The following RNF111 variants were observed in gnomAD, a reference collection of about 807,000 sequenced individuals.
RNF111 encodes E3 ubiquitin-protein ligase Arkadia.
A neutral mutation model predicts 95.1 loss-of-function variants in RNF111; 17 were observed. The ratio of observed to expected loss-of-function variants is 0.18; its 90% CI spans 0.12 to 0.27. RNF111 has a LOEUF of 0.27. RNF111 is among the 10% of genes least tolerant of loss of function. The pLI, the probability that RNF111 is intolerant of heterozygous loss-of-function variation, is 1.00. For missense variants in RNF111, 1,189 were observed against 1,210.4 expected (o/e 0.98, Z 0.26); for synonymous variants, 440 against 414.8 (o/e 1.06, Z -0.74).
Position 59,048,671 on chromosome 15 carries a change from T to G in RNF111, c.881-3634T>G, listed in dbSNP as rs2041826472. Among the ~76,000 whole-genome samples the G allele has an allele frequency of 2.0e-5, 3 of 152,192 alleles. No homozygotes were observed. The South Asian group carries it at 6.2e-4, about 31-fold the overall frequency. On this transcript the variant is annotated intron_variant, in intron 2 of 13. Transcript: ENST00000348370. ...GGGTGACATTTGTATTGACAGGTGA[T>G]AGTAATGAAGAAGCCATTCAACAAC... is the stretch of plus-strand genomic sequence containing the variant.
At chr15:59,016,097 A>G (rs544713820) in intron 1 of RNF111, among the ~76,000 whole-genome samples, 42 of 151,770 alleles carry the variant, frequency 2.8e-4, no homozygotes, top group African/African-American at 8.2e-4. Context: ...TTGGCCTCCA[A>G]GAGTGCTAGG....
chr15:59,068,673 A>G (rs2042774896), intron 6 of RNF111, among the ~76,000 whole-genome samples: 1 of 152,036 alleles, frequency 6.6e-6, no homozygotes, highest in African/African-American at 2.4e-5. Context: ...GCATTAAGCC[A>G]CCGTGCCCGG....
chr15:59,014,505 T>C lies in RNF111; in HGVS notation c.-19-16299T>C, dbSNP rs553102408. 1.1e-4 allele frequency among the ~76,000 whole-genome samples: 16 copies of C among 152,314 alleles called. No individual in the cohort carries two copies. In the South Asian group the frequency reaches 3.3e-3, roughly 32 times the overall value. On this transcript the variant is annotated intron_variant, in intron 1 of 13. Transcript: ENST00000348370. ...ACTTGGCAGTATCTATGTGTTGACTTTTCTGCTGTGGAATTATAGAAAGCA... is the reference window on the plus strand; with the variant it reads ...ACTTGGCAGTATCTATGTGTTGACTCTTCTGCTGTGGAATTATAGAAAGCA...
At chr15:59,083,101 A>T (rs760332493) in intron 8 of RNF111, among the ~76,000 whole-genome samples, 28 of 152,018 alleles carry the variant, frequency 1.8e-4, no homozygotes, top group Non-Finnish European at 3.8e-4. Context: ...CTGAGCTATG[A>T]TTGTGCCACT....
At chr15:59,092,500 C>A (rs2079081040) in intron 12 of RNF111, 37 bp from the exon 13 acceptor site, 1 of 1,582,104 alleles carries the variant, frequency 6.3e-7, no homozygotes, top group Non-Finnish European at 8.6e-7. Context: ...ATAATGTCAT[C>A]TCTACTAATA....
At chr15:59,041,961 A>ATTTTTT (rs79347638) in intron 2 of RNF111, among the ~76,000 whole-genome samples, 2 of 100,106 alleles carry the variant, frequency 2.0e-5, no homozygotes, top group African/African-American at 8.0e-5. Context: ...GTCTGTTCAT[A>ATTTTTT]TTTTTTTTTT....
chr15:59,023,774 A>G (rs1367589758), intron 1 of RNF111, among the ~76,000 whole-genome samples: 1 of 152,138 alleles, frequency 6.6e-6, no homozygotes, highest in Non-Finnish European at 1.5e-5. Context: ...GTGTTTCACT[A>G]TTAACCATCA....
chr15:58,991,902 T>C (rs1323927794), intron 1 of RNF111, among the ~76,000 whole-genome samples: 1 of 152,134 alleles, frequency 6.6e-6, no homozygotes, highest in Non-Finnish European at 1.5e-5. Context: ...TGAATATGGA[T>C]GGGTATTAGA....
chr15:58,994,373 A>C (rs1425828029), intron 1 of RNF111, among the ~76,000 whole-genome samples: 4 of 151,370 alleles, frequency 2.6e-5, no homozygotes, highest in African/African-American at 9.7e-5. Flanking sequence ...TTTCAAACTT[A>C]CCGAAAGATT....
chr15:59,033,152 G>A (rs1460784445), intron 2 of RNF111, among the ~76,000 whole-genome samples: 2 of 152,194 alleles, frequency 1.3e-5, no homozygotes, highest in African/African-American at 4.8e-5. Context: ...CTAGGTCATG[G>A]TTTCTAATAC....
Position 59,096,397 on chromosome 15 carries a change from GGATT to G in RNF111, c.*1502_*1505del, listed in dbSNP as rs1218150405. 6 of 252,352 alleles carry G rather than the reference GGATT, an allele frequency of 2.4e-5. No homozygotes were observed. The highest frequency in any genetic ancestry group is 5.4e-5 in the Admixed American group (1 of 18,398). 15.6% of individuals were successfully genotyped at this position (252,352 alleles called of 1,614,324 possible). A position where few individuals can be genotyped will look rare whatever the true frequency, so the allele number is the denominator to read the frequency against. On this transcript the variant is annotated 3_prime_UTR_variant, in exon 14 of 14. Transcript: ENST00000348370. ...GCATTAAGCCACCTGCTTTGTAAGT[GGATT>G]GATTAATAAATAACTTATATTTCTA...
At chr15:59,016,623 C>T (rs1305121674) in intron 1 of RNF111, among the ~76,000 whole-genome samples, 2 of 152,168 alleles carry the variant, frequency 1.3e-5, no homozygotes, top group African/African-American at 2.4e-5. Context: ...TTCTACCCTA[C>T]CTATTTCAAA....
At chr15:59,022,295 A>G (rs1309837328) in intron 1 of RNF111, among the ~76,000 whole-genome samples, 3 of 152,144 alleles carry the variant, frequency 2.0e-5, no homozygotes, top group African/African-American at 7.2e-5. Context: ...GCGACAGAGA[A>G]TTTTACTTCA....
chr15:59,038,520 G>A (rs2041293800), intron 2 of RNF111, among the ~76,000 whole-genome samples: 1 of 152,004 alleles, frequency 6.6e-6, no homozygotes, highest in Non-Finnish European at 1.5e-5. Flanking sequence ...TTTTATTTGG[G>A]AACTTTTAGA....
At chr15:59,077,259 CT>C (rs1410032137) in intron 7 of RNF111, among the ~76,000 whole-genome samples, 5 of 152,134 alleles carry the variant, frequency 3.3e-5, no homozygotes, top group African/African-American at 4.8e-5. Context: ...TTTTCTGCCC[CT>C]CCCCTTTAAA....
Position 59,030,747 on chromosome 15 carries a change from T to G in RNF111, c.-19-57T>G, listed in dbSNP as rs528338440. The G allele has an allele frequency of 2.4e-6, 3 of 1,231,950 alleles. No homozygotes were observed. The South Asian group carries it at 5.4e-5, about 22-fold the overall frequency. 76.3% of individuals were successfully genotyped at this position (1,231,950 alleles called of 1,614,324 possible). A position where few individuals can be genotyped will look rare whatever the true frequency, so the allele number is the denominator to read the frequency against. ...TGGTGGAATTTGAGAACTCTTCAAT[T>G]AAATAGTATAATAAAACACATTAAA... On this transcript the variant is annotated intron_variant, in intron 1 of 13. Transcript: ENST00000348370.
intron 1 of RNF111, among the ~76,000 whole-genome samples, chr15:59,000,163 C>CTTTT (rs71425835): frequency 6.1e-5 from 8 of 132,094 alleles, no homozygotes; most frequent in Non-Finnish European, 1.3e-4. Context: ...TTTTTTTTCC[C>CTTTT]TTTTTTTTTT....
intron 1 of RNF111, chr15:59,004,070 CT>C: frequency 1.3e-6 from 1 of 773,052 alleles, no homozygotes; most frequent in Non-Finnish European, 1.7e-6. Flanking sequence ...CTGAGTTGAT[CT>C]TTTTGAAACC....
chr15:59,049,896 C>T (rs1223155964), intron 2 of RNF111, among the ~76,000 whole-genome samples: 1 of 150,846 alleles, frequency 6.6e-6, no homozygotes, highest in African/African-American at 2.4e-5. Flanking sequence ...TGCGTGCCAC[C>T]ACACCCGGCT....
Sources: allele counts gnomAD v4.1 joint callset (sites outside exome capture counted in the v4.1 genomes callset), GRCh38; gene constraint gnomAD v4.1.1; transcripts MANE v1.5; gene names NCBI Gene and HGNC (gene_info 2026-07-23, HGNC 2026-07-21).